DDC: variants seen among roughly 807,000 people sequenced by gnomAD.
DDC encodes aromatic-L-amino-acid decarboxylase.
A neutral mutation model predicts 60.0 loss-of-function variants in DDC; 43 were observed. The observed-to-expected ratio is 0.72, with a 90% CI of 0.56 to 0.92. The LOEUF is 0.92. Ranked by LOEUF, DDC falls within the 40% of genes least tolerant of loss-of-function variation. DDC has a pLI of 0.00. For missense variants in DDC, 573 were observed against 620.2 expected (o/e 0.92, Z 0.81); for synonymous variants, 232 against 234.6 (o/e 0.99, Z 0.10).
At chr7:50,458,910 CTCCCTCTCCCTCTCCCTT>C (rs1182807405) in intron 14 of DDC, 67 bp from the exon 15 acceptor site, 7 of 150,170 alleles carry the variant, frequency 4.7e-5, no homozygotes, top group African/African-American at 1.8e-4. Flanking sequence ...CCCTCTCCCT[CTCCCTCTCCCTCTCCCTT>C]TCCCTCTCCC....
chr7:50,485,553 G>A (rs1367161175), intron 9 of DDC, among the ~76,000 whole-genome samples: 1 of 152,146 alleles, frequency 6.6e-6, no homozygotes, highest in East Asian at 1.9e-4. Flanking sequence ...CTGAATTAGT[G>A]AAATTTTAAA....
intron 9 of DDC, among the ~76,000 whole-genome samples, chr7:50,481,538 T>G (rs1037155202): frequency 6.6e-6 from 1 of 152,192 alleles, no homozygotes; most frequent in Admixed American, 6.5e-5. Context: ...CAGCTGTTTT[T>G]TAATTTAAAA....
intron 11 of DDC, among the ~76,000 whole-genome samples, chr7:50,476,244 C>T (rs1270056480): frequency 2.0e-5 from 3 of 152,216 alleles, no homozygotes; most frequent in Admixed American, 6.5e-5. Flanking sequence ...ACTGGCCCCA[C>T]CTGGGAGCTT....
At chr7:50,478,299 C>A (rs1430294965) in intron 10 of DDC, among the ~76,000 whole-genome samples, 1 of 152,060 alleles carries the variant, frequency 6.6e-6, no homozygotes, top group Non-Finnish European at 1.5e-5. Flanking sequence ...ATTACCGCAC[C>A]ATCTGATACG....
At chr7:50,473,232 G>T (rs2042571277) in intron 11 of DDC, among the ~76,000 whole-genome samples, 1 of 152,306 alleles carries the variant, frequency 6.6e-6, no homozygotes, top group East Asian at 1.9e-4. Flanking sequence ...TGCACCCAAG[G>T]GATAGAAAGA....
chr7:50,505,655 T>C (rs1220160940), intron 6 of DDC, among the ~76,000 whole-genome samples: 1 of 152,224 alleles, frequency 6.6e-6, no homozygotes, highest in African/African-American at 2.4e-5. Context: ...TCTCACCAGC[T>C]TTGCCCTGCT....
intron 9 of DDC, among the ~76,000 whole-genome samples, chr7:50,491,544 G>A (rs139334236): frequency 3.9e-5 from 6 of 152,122 alleles, no homozygotes; most frequent in Non-Finnish European, 7.4e-5. Context: ...AAATGTGAAC[G>A]GAAAATAAAA....
At chr7:50,514,095 A>G (rs2043661828) in intron 6 of DDC, among the ~76,000 whole-genome samples, 1 of 152,098 alleles carries the variant, frequency 6.6e-6, no homozygotes, top group Non-Finnish European at 1.5e-5. Context: ...ACTCACCTCC[A>G]CCAGAACAGG....
intron 14 of DDC, among the ~76,000 whole-genome samples, chr7:50,461,732 G>A (rs2042277955): frequency 6.6e-6 from 1 of 152,308 alleles, no homozygotes; most frequent in Non-Finnish European, 1.5e-5. Context: ...ATAGTCTTAT[G>A]CTGAGAGCAA....
At chr7:50,485,477 C>T (rs2042862325) in intron 9 of DDC, among the ~76,000 whole-genome samples, 1 of 152,146 alleles carries the variant, frequency 6.6e-6, no homozygotes, top group Admixed American at 6.5e-5. Context: ...AAGAGAAACA[C>T]TTCTAATTTT....
At chr7:50,459,202 G>A (rs551503943) in intron 14 of DDC, among the ~76,000 whole-genome samples, 36 of 152,334 alleles carry the variant, frequency 2.4e-4, no homozygotes, top group Non-Finnish European at 8.8e-5. Flanking sequence ...CGAGTGATCC[G>A]CCAGCCTCGG....
chr7:50,487,348 A>AT, intron 9 of DDC, among the ~76,000 whole-genome samples: 1 of 152,162 alleles, frequency 6.6e-6, no homozygotes, highest in African/African-American at 2.4e-5. Context: ...GTAATCCTTG[A>AT]TTTTTCAGGG....
chr7:50,492,844 A>T (rs2043032215), intron 9 of DDC: 1 of 1,546,064 alleles, frequency 6.5e-7, no homozygotes, highest in Non-Finnish European at 8.7e-7. Flanking sequence ...ATGAGCGCAC[A>T]GCCGCCAACT....
chr7:50,495,278 G>T, intron 9 of DDC, 72 bp downstream of exon 9: 2 of 1,161,324 alleles, frequency 1.7e-6, no homozygotes, highest in Non-Finnish European at 2.6e-6. Flanking sequence ...TTTGGCTCTG[G>T]CATCTTCCCT....
Position 50,512,254 on chromosome 7 carries a change from A to G in DDC, c.715-8195T>C, listed in dbSNP as rs115231539. Among the ~76,000 whole-genome samples, 1,501 of 152,278 alleles carry G rather than the reference A, an allele frequency of 9.9e-3. 27 individuals are homozygous for G. The highest frequency in any genetic ancestry group is 0.033 in the African/African-American group (1,375 of 41,542). The stretch of plus-strand genomic sequence containing the variant: ...GCTGGAATAGCTATATTAATTTTAG[A>G]CAAAGTGGATCAAGAAAATTGTTAA... On this transcript the variant is annotated intron_variant, in intron 6 of 14. Coordinates refer to ENST00000444124, the MANE Select transcript of DDC (RefSeq NM_001082971.2).
intron 6 of DDC, among the ~76,000 whole-genome samples, chr7:50,525,416 G>A (rs532473547): frequency 3.3e-5 from 5 of 152,272 alleles, no homozygotes; most frequent in African/African-American, 1.2e-4. Context: ...GGGTTAGTAC[G>A]CAGAATTTCT....
Position 50,493,310 on chromosome 7 carries a change from C to T in DDC, c.944+2040G>A, listed in dbSNP as rs141766558. Among the ~76,000 whole-genome samples, 289 of 152,278 alleles carry T rather than the reference C, an allele frequency of 1.9e-3. 1 individual carries two copies. Among genetic ancestry groups the T allele is most frequent in the African/African-American group, 6.7e-3 (278 of 41,552 alleles). On this transcript the variant is annotated intron_variant, in intron 9 of 14. Transcript: ENST00000444124. ...TCAGGGCGCACGAGAACCCCTCCTC[C>T]GGACAGCCCATCAGCCCTGCCCTGC...
intron 6 of DDC, 114 bp from the exon 7 acceptor site, chr7:50,504,173 C>T: frequency 1.3e-6 from 1 of 756,092 alleles, no homozygotes; most frequent in Non-Finnish European, 2.4e-6. Context: ...GCCGAGATCC[C>T]AATGAATGTC....
intron 9 of DDC, among the ~76,000 whole-genome samples, chr7:50,484,968 T>C (rs890223293): frequency 1.3e-5 from 2 of 152,162 alleles, no homozygotes; most frequent in African/African-American, 4.8e-5. Context: ...AATAGATAAA[T>C]AGAAAACTAT....
Sources: gnomAD v4.1 joint callset for allele counts (sites outside exome capture counted in the v4.1 genomes callset) on GRCh38, gnomAD v4.1.1 for gene constraint, MANE v1.5 for transcripts, NCBI Gene and HGNC (gene_info 2026-07-23, HGNC 2026-07-21) for gene names.